MORC1: variants seen among roughly 807,000 people sequenced by gnomAD.
MORC1 encodes MORC family CW-type zinc finger 1, also known as MORC family CW-type zinc finger protein 1.
Under a neutral mutation model 134.9 loss-of-function variants are expected in MORC1, and 59 were observed. The observed-to-expected ratio is 0.44, with a 90% CI of 0.35 to 0.54. The LOEUF is 0.54. Among genes scored for constraint, MORC1 ranks in the 20% least tolerant of loss-of-function variants. The pLI is 0.00. For synonymous variants in MORC1, 395 were observed against 391.7 expected (o/e 1.01, Z -0.10); for missense variants, 947 against 1,134.5 (o/e 0.83, Z 2.37).
intron 1 of MORC1, 88 bp downstream of exon 1, chr3:109,117,907 G>C: frequency 1.9e-6 from 2 of 1,036,280 alleles, no homozygotes; most frequent in South Asian, 2.7e-5. Context: ...AAGTTCACTT[G>C]CTGAGTATTC....
intron 8 of MORC1, among the ~76,000 whole-genome samples, chr3:109,071,560 G>A (rs766087968): frequency 2.0e-5 from 3 of 152,094 alleles, no homozygotes; most frequent in Admixed American, 6.6e-5. Context: ...ACACACAGTG[G>A]CTGACAAGGG....
chr3:108,961,489 T>TATTTCCAC (rs1947078002), intron 27 of MORC1, among the ~76,000 whole-genome samples: 1 of 152,094 alleles, frequency 6.6e-6, no homozygotes, highest in East Asian at 1.9e-4. Context: ...GATGCTACAT[T>TATTTCCAC]ATTTCCACAC....
intron 4 of MORC1, among the ~76,000 whole-genome samples, chr3:109,102,215 G>A (rs1950942582): frequency 6.6e-6 from 1 of 152,150 alleles, no homozygotes; most frequent in Non-Finnish European, 1.5e-5. Context: ...CAAACGATGA[G>A]GGGTCAGCCA....
At chr3:109,057,536 C>T (rs377184883) in intron 12 of MORC1, 50 bp from the exon 13 acceptor site, 1 of 1,472,184 alleles carries the variant, frequency 6.8e-7, no homozygotes. Flanking sequence ...AATAAACATA[C>T]ACAGTTTAGG....
chr3:108,991,801 T>C (rs919955112), intron 21 of MORC1, among the ~76,000 whole-genome samples: 2 of 152,210 alleles, frequency 1.3e-5, no homozygotes, highest in Non-Finnish European at 1.5e-5. Flanking sequence ...TCCCCATCAA[T>C]GCTCTTCATT....
At chr3:108,995,594 A>G (rs909746870) in intron 21 of MORC1, among the ~76,000 whole-genome samples, 6 of 152,228 alleles carry the variant, frequency 3.9e-5, no homozygotes, top group African/African-American at 1.4e-4. Flanking sequence ...TTCTTTTTTT[A>G]GAAGCCAGGA....
At chr3:109,036,446 A>G (rs1052916721) in intron 14 of MORC1, among the ~76,000 whole-genome samples, 5 of 152,128 alleles carry the variant, frequency 3.3e-5, no homozygotes, top group Non-Finnish European at 7.4e-5. Context: ...GGCAAGGGAA[A>G]ATACTTTTAC....
intron 8 of MORC1, among the ~76,000 whole-genome samples, chr3:109,080,037 T>C (rs1304005602): frequency 6.6e-6 from 1 of 152,192 alleles, no homozygotes; most frequent in African/African-American, 2.4e-5. Flanking sequence ...AACCCCTGGA[T>C]ATAATACTAT....
chr3:109,009,145 T>C (rs1948620279), intron 17 of MORC1, among the ~76,000 whole-genome samples: 1 of 152,036 alleles, frequency 6.6e-6, no homozygotes, highest in South Asian at 2.1e-4. Context: ...CCCTAGTAGT[T>C]TCCTCAAAAA....
intron 8 of MORC1, among the ~76,000 whole-genome samples, chr3:109,092,353 T>G (rs1950746842): frequency 2.6e-5 from 4 of 152,228 alleles, no homozygotes; most frequent in South Asian, 2.1e-4. Flanking sequence ...TGTTATCAAA[T>G]AGCTATTTGC....
intron 3 of MORC1, among the ~76,000 whole-genome samples, chr3:109,105,428 C>T (rs1951011160): frequency 6.6e-6 from 1 of 152,140 alleles, no homozygotes; most frequent in Admixed American, 6.5e-5. Context: ...GAGGCTAAGG[C>T]AAGAGAATCT....
At chr3:109,055,809 TA>T (rs1949945392) in intron 13 of MORC1, among the ~76,000 whole-genome samples, 1 of 152,154 alleles carries the variant, frequency 6.6e-6, no homozygotes. Flanking sequence ...AATAAACAGA[TA>T]AATATACAAG....
intron 17 of MORC1, among the ~76,000 whole-genome samples, chr3:109,007,944 T>TGTG (rs1553747873): frequency 6.7e-6 from 1 of 149,764 alleles, no homozygotes; most frequent in Admixed American, 6.7e-5. Context: ...CATATATATG[T>TGTG]GTGTGTGTGT....
At chr3:109,047,931 T>C (rs961844419) in intron 14 of MORC1, among the ~76,000 whole-genome samples, 1 of 152,200 alleles carries the variant, frequency 6.6e-6, no homozygotes, top group Non-Finnish European at 1.5e-5. Context: ...ACTGCTAATA[T>C]CATTAAAAGA....
chr3:109,040,263 A>T (rs1233862914), intron 14 of MORC1, among the ~76,000 whole-genome samples: 1 of 151,328 alleles, frequency 6.6e-6, no homozygotes, highest in Non-Finnish European at 1.5e-5. Flanking sequence ...CAAAAGAATG[A>T]ATCAACAGAA....
At chr3:108,989,232 T>C (rs923291312) in intron 21 of MORC1, among the ~76,000 whole-genome samples, 3 of 152,226 alleles carry the variant, frequency 2.0e-5, no homozygotes, top group East Asian at 1.9e-4. Context: ...GGTTTCCTTA[T>C]AGAAATGTTC....
intron 6 of MORC1, among the ~76,000 whole-genome samples, chr3:109,095,661 G>A (rs1172196065): frequency 6.6e-6 from 1 of 152,156 alleles, no homozygotes; most frequent in Non-Finnish European, 1.5e-5. Flanking sequence ...ACTGAGATTA[G>A]ATAGACCGAG....
At chr3:108,971,698 G>C (rs1947384915) in intron 24 of MORC1, among the ~76,000 whole-genome samples, 1 of 152,060 alleles carries the variant, frequency 6.6e-6, no homozygotes, top group Non-Finnish European at 1.5e-5. Context: ...TTCTGTTCCA[G>C]AGTTTTGCAA....
At chr3:109,012,238 G>C (rs1948702965) in intron 17 of MORC1, among the ~76,000 whole-genome samples, 1 of 152,070 alleles carries the variant, frequency 6.6e-6, no homozygotes, top group African/African-American at 2.4e-5. Flanking sequence ...TGATCCCTTA[G>C]TTGAAAATCA....
Sources: allele counts gnomAD v4.1 joint callset (sites outside exome capture counted in the v4.1 genomes callset), GRCh38; gene constraint gnomAD v4.1.1; transcripts MANE v1.5; gene names NCBI Gene and HGNC (gene_info 2026-07-23, HGNC 2026-07-21).